Variants in COL25A1 observed in about 807,000 individuals in gnomAD.
COL25A1 encodes collagen alpha-1(XXV) chain.
In COL25A1, 103 loss-of-function variants were observed where a neutral mutation model predicts 128.4. The ratio of observed to expected loss-of-function variants is 0.80; its 90% CI spans 0.68 to 0.94. COL25A1 has a LOEUF of 0.94. COL25A1 is among the 40% of genes least tolerant of loss of function. The pLI is 0.00. For missense variants in COL25A1, 745 were observed against 840.0 expected (o/e 0.89, Z 1.40); for synonymous variants, 279 against 277.2 (o/e 1.01, Z -0.06).
chr4:109,015,451 A>G (rs1757125293), intron 5 of COL25A1, among the ~76,000 whole-genome samples: 1 of 152,224 alleles, frequency 6.6e-6, no homozygotes, highest in Non-Finnish European at 1.5e-5. Flanking sequence ...TCCCAAGCAA[A>G]TCACCAAAAT....
Position 109,173,178 on chromosome 4 carries a change from T to C in COL25A1, c.368-122999A>G, listed in dbSNP as rs1230474141. Among the ~76,000 whole-genome samples the C allele has an allele frequency of 2.6e-5, 4 of 152,056 alleles. No homozygotes were observed. The East Asian group carries it at 7.7e-4, about 29-fold the overall frequency. ...ATAACTCACTGCAACCTTGAACTCC[T>C]GGGCTCACGTGATCCTCCCCTTTCA... On this transcript the variant is annotated intron_variant, in intron 3 of 37. Coordinates refer to ENST00000399132, the MANE Select transcript of COL25A1 (RefSeq NM_198721.4).
rs550223609 is a variant in COL25A1 at position 109,287,893 on chromosome 4, C to T, written c.367+12690G>A. Among the ~76,000 whole-genome samples the T allele has an allele frequency of 2.0e-5, 3 of 152,228 alleles. No homozygotes were observed. The East Asian group carries it at 5.8e-4, about 29-fold the overall frequency. ...GTAAAGCAAGATCAAACAAGGCAGA[C>T]CAATGGGAGACATATGGGCCAAGAA... On this transcript the variant is annotated intron_variant, in intron 3 of 37. Coordinates refer to ENST00000399132, the MANE Select transcript of COL25A1 (RefSeq NM_198721.4).
At chr4:109,189,547 CAAAAAA>C (rs33989375) in intron 3 of COL25A1, among the ~76,000 whole-genome samples, 9 of 53,604 alleles carry the variant, frequency 1.7e-4, no homozygotes, top group Non-Finnish European at 3.1e-4. Flanking sequence ...GACTCCATCT[CAAAAAA>C]AAAAAAAAAA....
Position 108,990,231 on chromosome 4 carries a change from AAAAAAAAAATATATATAT to A in COL25A1, c.439-15690_439-15673del, listed in dbSNP as rs1242212392. Among the ~76,000 whole-genome samples, 58 of 66,628 alleles carry A rather than the reference AAAAAAAAAATATATATAT, an allele frequency of 8.7e-4. No homozygotes were observed. In the East Asian group the frequency reaches 0.025, roughly 28 times the overall value. The allele number at this position is 66,628 out of a possible 152,430, so 43.7% of individuals were successfully genotyped here. A position where few individuals can be genotyped will look rare whatever the true frequency, so the allele number is the denominator to read the frequency against. On this transcript the variant is annotated intron_variant, in intron 6 of 37. Coordinates refer to ENST00000399132, the MANE Select transcript of COL25A1 (RefSeq NM_198721.4). The stretch of plus-strand genomic sequence containing the variant: ...CCATCTCAAAAAAAAAAAAAAAAAA[AAAAAAAAAATATATATAT>A]ATATATATATATATATATATATATC...
At chr4:108,923,404 G>T (rs1299327129) in intron 11 of COL25A1, among the ~76,000 whole-genome samples, 3 of 151,970 alleles carry the variant, frequency 2.0e-5, no homozygotes, top group African/African-American at 7.3e-5. Context: ...GGAGTGCAGT[G>T]GCGTGATCAT....
intron 18 of COL25A1, among the ~76,000 whole-genome samples, chr4:108,886,492 G>GTGTTTTTTTTTT (rs58157157): frequency 3.7e-5 from 4 of 109,248 alleles, no homozygotes; most frequent in African/African-American, 1.2e-4. Flanking sequence ...GTGTGTGTGT[G>GTGTTTTTTTTTT]TTTAGCTCAT....
At chr4:108,844,620 C>T in intron 29 of COL25A1, 51 bp from the exon 30 acceptor site, 1 of 1,578,764 alleles carries the variant, frequency 6.3e-7, no homozygotes, top group South Asian at 1.2e-5. Context: ...TTAGATAAGG[C>T]AGTTCAACTT....
At chr4:109,286,153 G>A (rs1723872588) in intron 3 of COL25A1, among the ~76,000 whole-genome samples, 1 of 152,160 alleles carries the variant, frequency 6.6e-6, no homozygotes, top group South Asian at 2.1e-4. Flanking sequence ...ATCAATTTGT[G>A]TTAGGAAAAT....
At chr4:108,991,123 A>G in intron 6 of COL25A1, among the ~76,000 whole-genome samples, 1 of 152,230 alleles carries the variant, frequency 6.6e-6, no homozygotes, top group East Asian at 1.9e-4. Flanking sequence ...AAATTCAGGG[A>G]GTGATAACAG....
At chr4:109,002,936 T>C (rs7697078) in intron 6 of COL25A1, among the ~76,000 whole-genome samples, 120,766 of 151,840 alleles carry the variant, frequency 0.8, 49,205 homozygotes, top group East Asian at 1. Flanking sequence ...TCCTTGCCCC[T>C]GACCCCTGAC....
chr4:109,271,618 T>C (rs1016938593), intron 3 of COL25A1, among the ~76,000 whole-genome samples: 8 of 152,202 alleles, frequency 5.3e-5, no homozygotes, highest in African/African-American at 1.9e-4. Flanking sequence ...TTAAATGTTA[T>C]TGAGTGTCAG....
chr4:108,814,419 C>T (rs1371890646), intron 37 of COL25A1, among the ~76,000 whole-genome samples: 1 of 152,146 alleles, frequency 6.6e-6, no homozygotes, highest in Non-Finnish European at 1.5e-5. Context: ...TTCTTGGCTC[C>T]TCCTTCCTTT....
At chr4:109,138,666 T>C (rs1041072373) in intron 3 of COL25A1, among the ~76,000 whole-genome samples, 22 of 151,436 alleles carry the variant, frequency 1.5e-4, no homozygotes, top group African/African-American at 5.3e-4. Context: ...CTGACTTTTT[T>C]GGTTGTTGTT....
intron 19 of COL25A1, among the ~76,000 whole-genome samples, chr4:108,879,082 T>C (rs1739793796): frequency 6.6e-6 from 1 of 152,228 alleles, no homozygotes; most frequent in African/African-American, 2.4e-5. Flanking sequence ...TAAGCTTCTA[T>C]TAGATTACTG....
chr4:109,235,769 A>C (rs1026384032), intron 3 of COL25A1, among the ~76,000 whole-genome samples: 3 of 152,094 alleles, frequency 2.0e-5, no homozygotes, highest in African/African-American at 4.8e-5. Flanking sequence ...TAGATTGTAC[A>C]ATTAGGGCTA....
At chr4:108,844,934 G>A (rs1734909006) in intron 29 of COL25A1, among the ~76,000 whole-genome samples, 1 of 152,168 alleles carries the variant, frequency 6.6e-6, no homozygotes, top group Non-Finnish European at 1.5e-5. Flanking sequence ...TCTACCCATT[G>A]TTAGGAGAAA....
intron 8 of COL25A1, among the ~76,000 whole-genome samples, chr4:108,943,835 A>C (rs1360302928): frequency 6.6e-6 from 1 of 151,806 alleles, no homozygotes; most frequent in Non-Finnish European, 1.5e-5. Context: ...AAAAAAAAAA[A>C]AACACAGAAC....
intron 3 of COL25A1, among the ~76,000 whole-genome samples, chr4:109,298,466 A>C (rs1725199904): frequency 6.6e-6 from 1 of 152,132 alleles, no homozygotes; most frequent in South Asian, 2.1e-4. Context: ...AGCTGAGGTC[A>C]CAGACTTGTC....
intron 3 of COL25A1, among the ~76,000 whole-genome samples, chr4:109,294,429 T>C (rs888767894): frequency 5.3e-5 from 8 of 152,138 alleles, no homozygotes; most frequent in Admixed American, 4.6e-4. Flanking sequence ...TAATATTTCT[T>C]AATTGCAAGA....
Sources: gnomAD v4.1 joint callset for allele counts (sites outside exome capture counted in the v4.1 genomes callset) on GRCh38, gnomAD v4.1.1 for gene constraint, MANE v1.5 for transcripts, NCBI Gene and HGNC (gene_info 2026-07-23, HGNC 2026-07-21) for gene names.